FSIP2: variants seen among roughly 807,000 people sequenced by gnomAD.
FSIP2 encodes fibrous sheath interacting protein 2, also known as fibrous sheath-interacting protein 2.
Under a neutral mutation model 510.5 loss-of-function variants are expected in FSIP2, and 367 were observed. That is an observed-to-expected ratio of 0.72 (90% CI 0.66 to 0.78). The LOEUF (loss-of-function observed/expected upper bound fraction) is 0.78. FSIP2 is among the 30% of genes least tolerant of loss of function. The pLI is 0.00. For synonymous variants in FSIP2, 2,601 were observed against 2,732.2 expected, an observed-to-expected ratio of 0.95 and a Z score of 1.50; for missense variants, 7,594 against 7,901.7, an observed-to-expected ratio of 0.96 and a Z score of 1.48.
chr2:185,756,545 T>C (rs1692250347), intron 9 of FSIP2, among the ~76,000 whole-genome samples: 1 of 151,472 alleles, frequency 6.6e-6, no homozygotes, highest in Non-Finnish European at 1.5e-5. Flanking sequence ...ATTAAATATA[T>C]AATACAGCAT....
intron 3 of FSIP2, 82 bp downstream of exon 3, chr2:185,743,376 G>A: frequency 1.2e-6 from 1 of 828,064 alleles, no homozygotes; most frequent in Non-Finnish European, 1.7e-6. Context: ...CTCACTCGGG[G>A]GGCCTGTGTC....
chr2:185,790,896 A>G lies in FSIP2; in HGVS notation c.3760A>G (p.Lys1254Glu), dbSNP rs923025273. ...GTTAAAATCTGGAAAAAGTGAACCT[A>G]AACCTGTAGATGACATTAATGATAA... ...PWLKSGKSEP[K>E]PVDDINDKII... The change falls in exon 16 of 23, where the codon AAA (lysine) becomes GAA (glutamate). Residue 1254 changes from lysine (K) to glutamate (E), a missense_variant. Transcript: ENST00000424728. 23 of 1,530,882 alleles carry G rather than the reference A, an allele frequency of 1.5e-5. No individual in the cohort carries two copies. Among genetic ancestry groups the G allele is most frequent in the Middle Eastern group, 1.7e-4 (1 of 5,948 alleles). The allele number at this position is 1,530,882 out of a possible 1,614,324, so 94.8% of individuals were successfully genotyped here.
intron 2 of FSIP2, 46 bp downstream of exon 2, chr2:185,739,517 TGCTGTTTAACTCAAAG>T (rs998510632): frequency 3.5e-6 from 5 of 1,412,330 alleles, no homozygotes; most frequent in Non-Finnish European, 4.6e-6. Flanking sequence ...CTTTACTACT[TGCTGTTTAACTCAAAG>T]GCTGCATCAT....
At position 185,805,704 on chromosome 2, in the gene FSIP2, A is replaced by T. The variant is rs776454763; in HGVS notation, c.16398A>T (p.Arg5466Ser). Residue 5466 changes from arginine (R) to serine (S), a missense_variant, in exon 17 of 23, where the codon AGA (arginine) becomes AGT (serine). Coordinates refer to ENST00000424728, the MANE Select transcript of FSIP2 (RefSeq NM_173651.4). ...TGATGAGCACTTTGGAAATAAATAGAGGTACAATGAATAGAAAGAAAAGTT... is the reference window on the plus strand; with the variant it reads ...TGATGAGCACTTTGGAAATAAATAGTGGTACAATGAATAGAAAGAAAAGTT... ...KNMMSTLEIN[R>S]GTMNRKKSFK... 6.2e-6 allele frequency: 10 copies of T among 1,608,514 alleles called. No individual in the cohort carries two copies. Among genetic ancestry groups the T allele is most frequent in the Non-Finnish European group, 5.9e-6 (7 of 1,177,972 alleles).
intron 21 of FSIP2, among the ~76,000 whole-genome samples, chr2:185,829,460 A>C (rs1694070167): frequency 6.6e-6 from 1 of 151,934 alleles, no homozygotes; most frequent in Non-Finnish European, 1.5e-5. Flanking sequence ...ACTCAGGAAA[A>C]CTCAAATCCT....
At chr2:185,833,067 C>T (rs766635391) in intron 22 of FSIP2, 23 bp from the exon 23 acceptor site, 1 of 1,606,536 alleles carries the variant, frequency 6.2e-7, no homozygotes, top group African/African-American at 1.3e-5. Context: ...AGATATCATT[C>T]TTCTTGTTTA....
chr2:185,757,695 G>T (rs1442904633), intron 9 of FSIP2, among the ~76,000 whole-genome samples: 1 of 151,066 alleles, frequency 6.6e-6, no homozygotes, highest in Non-Finnish European at 1.5e-5. Flanking sequence ...TTTGCAGCTG[G>T]TGATTCTCCA....
chr2:185,739,138 G>A, intron 1 of FSIP2, 145 bp downstream of exon 1: 1 of 1,228,988 alleles, frequency 8.1e-7, no homozygotes, highest in Non-Finnish European at 1.1e-6. Flanking sequence ...CGGGGGCGGT[G>A]GCGGTGGCTC....
intron 9 of FSIP2, 74 bp from the exon 10 acceptor site, chr2:185,760,914 G>T (rs1692336125): frequency 1.0e-5 from 5 of 489,156 alleles, no homozygotes; most frequent in Non-Finnish European, 1.0e-5. Context: ...ACAATTTATT[G>T]TACTTTGATT....
At position 185,795,039 on chromosome 2, in the gene FSIP2, A is replaced by G. The variant is rs989436044; in HGVS notation, c.7903A>G (p.Met2635Val). ...PLQVKKDLIQMVLNKITNFVS... is the reference protein window; with the variant it reads ...PLQVKKDLIQVVLNKITNFVS... ...GCAAGTGAAGAAAGACTTAATTCAAATGGTTCTCAATAAGATCACAAATTT... is the reference window on the plus strand; with the variant it reads ...GCAAGTGAAGAAAGACTTAATTCAAGTGGTTCTCAATAAGATCACAAATTT... Residue 2635 changes from methionine to valine, a missense_variant, in exon 16 of 23, where the codon ATG (methionine) becomes GTG (valine). Transcript: ENST00000424728. 1 of 1,534,420 alleles carries G rather than the reference A, an allele frequency of 6.5e-7. No homozygotes were observed. The highest frequency in any genetic ancestry group is 1.4e-5 in the African/African-American group (1 of 72,870).
intron 22 of FSIP2, among the ~76,000 whole-genome samples, 171 bp from the exon 23 acceptor site, chr2:185,832,919 C>T (rs772608177): frequency 2.6e-5 from 4 of 151,908 alleles, no homozygotes; most frequent in Non-Finnish European, 4.4e-5. Context: ...ACTTTGTATA[C>T]GTGACTAAAG....
intron 2 of FSIP2, among the ~76,000 whole-genome samples, chr2:185,740,803 A>C (rs138106988): frequency 0.048 from 7,334 of 152,138 alleles, 278 homozygotes; most frequent in Non-Finnish European, 0.075. Context: ...TCCCTTGATG[A>C]GGACTCCACC....
intron 19 of FSIP2, among the ~76,000 whole-genome samples, chr2:185,823,652 T>C (rs1446633292): frequency 6.6e-6 from 1 of 151,762 alleles, no homozygotes; most frequent in East Asian, 1.9e-4. Flanking sequence ...GGAACTTCAA[T>C]AGTGCAGACA....
chr2:185,799,751 C>A lies in FSIP2; in HGVS notation c.10445C>A (p.Ser3482Ter). 6.7e-7 allele frequency: 1 copy of A among 1,495,250 alleles called. No homozygotes were observed. The highest frequency in any genetic ancestry group is 8.9e-7 in the Non-Finnish European group (1 of 1,125,744). The allele number at this position is 1,495,250 out of a possible 1,614,324, so 92.6% of individuals were successfully genotyped here. The change falls in exon 17 of 23, where the codon TCA becomes TAA. Residue 3482 changes from serine to a stop codon, truncating the protein, a stop_gained. Transcript: ENST00000424728. LOFTEE classifies it high-confidence loss of function. ...VSTWSRKKYE[S>*]KQFLRNIYDD... ...ACATGGTCAAGGAAAAAATATGAAT[C>A]AAAACAGTTCCTAAGAAACATATAC...
In FSIP2 at chr2:185,805,378, C is replaced by G; in HGVS notation, c.16072C>G (p.Gln5358Glu). The change falls in exon 17 of 23, where the codon CAG becomes GAG. Residue 5358 changes from glutamine to glutamate, a missense_variant. Gln to Glu is a conservative substitution (Grantham distance 29). Transcript: ENST00000424728. ...TAAAATATCCAATTTTGTATATGAA[C>G]AGTTCATAGAAAAATGCACATCTCA... ...VDKISNFVYE[Q>E]FIEKCTSHDI... The G allele has an allele frequency of 6.3e-7, 1 of 1,596,676 alleles. No homozygotes were observed. Among genetic ancestry groups the G allele is most frequent in the Non-Finnish European group, 8.5e-7 (1 of 1,172,968 alleles).
At position 185,756,228 on chromosome 2, in the gene FSIP2, T is replaced by C. The variant is rs1311768567; in HGVS notation, c.1028T>C (p.Ile343Thr). ...AATAAAAAGAAGACTTCTGAAGATA[T>C]AATGTTAGTTTATCCTGCTGGAGAC... ...PKNKKKTSED[I>T]MLVYPAGDQN... Residue 343 changes from isoleucine to threonine, a missense_variant, in exon 9 of 23, where the codon ATA becomes ACA. Ile to Thr is a moderately conservative substitution (Grantham distance 89). Transcript: ENST00000424728. 3 of 1,343,116 alleles carry C rather than the reference T, an allele frequency of 2.2e-6. No homozygotes were observed. The Admixed American group carries it at 6.7e-5, about 30-fold the overall frequency. The allele number at this position is 1,343,116 out of a possible 1,614,324, so 83.2% of individuals were successfully genotyped here.
At chr2:185,761,732 G>A (rs1461580057) in intron 10 of FSIP2, among the ~76,000 whole-genome samples, 5 of 151,276 alleles carry the variant, frequency 3.3e-5, no homozygotes, top group Non-Finnish European at 7.4e-5. Context: ...GAAGACTGGA[G>A]AAGAAGTAAG....
At position 185,824,458 on chromosome 2, in the gene FSIP2, C is replaced by A; in HGVS notation, c.20451C>A (p.Asp6817Glu). 1 of 1,590,080 alleles carries A rather than the reference C, an allele frequency of 6.3e-7. No individual in the cohort carries two copies. The highest frequency in any genetic ancestry group is 8.6e-7 in the Non-Finnish European group (1 of 1,165,826). Residue 6817 changes from aspartate (D) to glutamate (E), a missense_variant, in exon 20 of 23, where the codon GAC becomes GAA. Physicochemically the swap from Asp to Glu is conservative, Grantham distance 45. Transcript: ENST00000424728. Reference sequence around the variant, plus strand: ...GTGAGGCTGAAGATTGTCACTCAGACCCAAGTGCTAAAATATTAGAAGGTT... The same window carrying A: ...GTGAGGCTGAAGATTGTCACTCAGAACCAAGTGCTAAAATATTAGAAGGTT... ...STGEAEDCHS[D>E]PSAKILEESS...
At chr2:185,777,522 T>C (rs1409029852) in intron 13 of FSIP2, among the ~76,000 whole-genome samples, 1 of 152,050 alleles carries the variant, frequency 6.6e-6, no homozygotes, top group African/African-American at 2.4e-5. Flanking sequence ...TCTCATTAAG[T>C]ATGATATGTA....
Sources: gnomAD v4.1 joint callset for allele counts (sites outside exome capture counted in the v4.1 genomes callset) on GRCh38, gnomAD v4.1.1 for gene constraint, MANE v1.5 for transcripts, NCBI Gene and HGNC (gene_info 2026-07-23, HGNC 2026-07-21) for gene names.